RGPD2: variants seen among roughly 807,000 people sequenced by gnomAD.
RGPD2 encodes the protein RANBP2-like and GRIP domain-containing protein 2.
In RGPD2, 2 loss-of-function variants were observed where a neutral mutation model predicts 36.0. The ratio of observed to expected loss-of-function variants is 0.06; its 90% CI spans 0.02 to 0.17. The LOEUF (loss-of-function observed/expected upper bound fraction) is 0.17. Among genes scored for constraint, RGPD2 ranks in the 10% least tolerant of loss-of-function variants. The pLI is 1.00. For missense variants in RGPD2, 40 were observed against 464.3 expected (o/e 0.09, Z 8.40); for synonymous variants, 19 against 163.8 (o/e 0.12, Z 6.75).
chr2:87,917,787 T>C, the RGPD2 span, among the ~76,000 whole-genome samples: 5 of 110,516 alleles, frequency 4.5e-5, no homozygotes. Context: ...CATTTTGGAA[T>C]GGAAATCAGG....
the RGPD2 span, among the ~76,000 whole-genome samples, chr2:87,924,194 A>C: frequency 7.2e-6 from 1 of 137,956 alleles, no homozygotes; most frequent in African/African-American, 2.8e-5. Context: ...TTTCAGTAAA[A>C]TAAACTTGGC....
intron 6 of RGPD2, among the ~76,000 whole-genome samples, chr2:87,807,380 G>GTCTTTTT (rs1325349308): frequency 1.2e-4 from 10 of 81,958 alleles, no homozygotes; most frequent in African/African-American, 5.1e-4. Context: ...GCGTTAAATT[G>GTCTTTTT]TTTTTTTTTT....
chr2:87,870,143 C>A, the RGPD2 span, among the ~76,000 whole-genome samples: 18 of 152,406 alleles, frequency 1.2e-4, no homozygotes, highest in African/African-American at 4.3e-4. Context: ...CTGTATTAAT[C>A]ATTTTTTTAA....
the RGPD2 span, among the ~76,000 whole-genome samples, chr2:87,858,402 T>C: frequency 6.6e-6 from 1 of 151,970 alleles, no homozygotes; most frequent in African/African-American, 2.4e-5. Flanking sequence ...CTGTGATATG[T>C]GGCTTTTTAA....
the RGPD2 span, among the ~76,000 whole-genome samples, chr2:87,935,199 T>C: frequency 2.9e-4 from 41 of 142,668 alleles, no homozygotes; most frequent in African/African-American, 9.9e-4. Context: ...CAGGTGGTGG[T>C]AAGGGAGGGA....
At chr2:87,915,383 T>TTGTATATATGTATATTATATATATTG in the RGPD2 span, among the ~76,000 whole-genome samples, 3 of 120,720 alleles carry the variant, frequency 2.5e-5, no homozygotes, top group Non-Finnish European at 5.2e-5. Context: ...ATTATATATA[T>TTGTATATATGTATATTATATATATTG]TGTATATATA....
the RGPD2 span, among the ~76,000 whole-genome samples, chr2:87,836,501 T>C: frequency 2.6e-5 from 4 of 151,496 alleles, no homozygotes; most frequent in East Asian, 7.8e-4. Context: ...CTAGCCAAAC[T>C]ACACTTCATA....
At chr2:87,974,891 C>T in the RGPD2 span, among the ~76,000 whole-genome samples, 1 of 152,054 alleles carries the variant, frequency 6.6e-6, no homozygotes, top group African/African-American at 2.4e-5. Context: ...TATTCATTTA[C>T]CTCATTTACC....
the RGPD2 span, among the ~76,000 whole-genome samples, chr2:87,839,968 A>C: frequency 6.6e-6 from 1 of 151,800 alleles, no homozygotes; most frequent in Non-Finnish European, 1.5e-5. Flanking sequence ...TAAAAGCCAG[A>C]AAATGGAAAT....
At chr2:87,763,227 A>G (rs1684941060) in intron 22 of RGPD2, among the ~76,000 whole-genome samples, 1 of 139,246 alleles carries the variant, frequency 7.2e-6, no homozygotes, top group African/African-American at 2.8e-5. Flanking sequence ...GCACGATCTC[A>G]GCTCACTGCA....
the RGPD2 span, among the ~76,000 whole-genome samples, chr2:87,866,358 T>A: frequency 2.0e-5 from 3 of 152,126 alleles, no homozygotes; most frequent in Admixed American, 2.0e-4. Flanking sequence ...TTGTGTCAAA[T>A]CATTTGAAGT....
chr2:87,986,136 C>T, the RGPD2 span, among the ~76,000 whole-genome samples: 7 of 88,522 alleles, frequency 7.9e-5, no homozygotes, highest in South Asian at 4.9e-4. Context: ...CTGAAGACAG[C>T]TTTTTTTTTT....
chr2:87,769,632 A>T (rs535595192), intron 22 of RGPD2, among the ~76,000 whole-genome samples: 1 of 152,094 alleles, frequency 6.6e-6, no homozygotes, highest in East Asian at 1.9e-4. Flanking sequence ...CTTTTAAAAG[A>T]GACCTGTTAG....
the RGPD2 span, among the ~76,000 whole-genome samples, chr2:87,893,386 C>T: frequency 6.8e-6 from 1 of 147,236 alleles, no homozygotes; most frequent in African/African-American, 2.5e-5. Flanking sequence ...TTTCTTTTGA[C>T]ATTCTCTGGT....
chr2:87,870,557 T>C, the RGPD2 span, among the ~76,000 whole-genome samples: 86 of 152,332 alleles, frequency 5.6e-4, 2 homozygotes, highest in Non-Finnish European at 1.1e-3. Flanking sequence ...TTTTTCCATG[T>C]GAGAAAAGCC....
intron 17 of RGPD2, among the ~76,000 whole-genome samples, chr2:87,790,187 GCT>G (rs1331412566): frequency 8.3e-6 from 1 of 120,762 alleles, no homozygotes; most frequent in Non-Finnish European, 1.7e-5. Context: ...TAGCATGTCT[GCT>G]TTCTTTTTCT....
the RGPD2 span, among the ~76,000 whole-genome samples, chr2:87,961,013 A>G: frequency 1.5e-5 from 2 of 136,870 alleles, no homozygotes; most frequent in Non-Finnish European, 3.1e-5. Context: ...TTATTCAAGG[A>G]CAGCCTAAAC....
chr2:87,985,849 T>C, the RGPD2 span: 1 of 1,610,826 alleles, frequency 6.2e-7, no homozygotes, highest in Non-Finnish European at 8.5e-7. Context: ...TTGTACCACT[T>C]GACAAGCATC....
the RGPD2 span, among the ~76,000 whole-genome samples, chr2:87,846,043 T>G: frequency 0.027 from 3,921 of 144,892 alleles, no homozygotes; most frequent in East Asian, 0.053. Flanking sequence ...CTTATACATT[T>G]TATAAACAGT....
Sources: allele counts gnomAD v4.1 joint callset (sites outside exome capture counted in the v4.1 genomes callset), GRCh38; gene constraint gnomAD v4.1.1; transcripts MANE v1.5; gene names NCBI Gene and HGNC (gene_info 2026-07-23, HGNC 2026-07-21).